The following TMEM132B variants were observed in gnomAD, a reference collection of about 807,000 sequenced individuals.
TMEM132B encodes the protein transmembrane protein 132B.
Under a neutral mutation model 90.8 loss-of-function variants are expected in TMEM132B, and 18 were observed. That is an observed-to-expected ratio of 0.20 (90% CI 0.14 to 0.29). TMEM132B has a LOEUF of 0.29. Ranked by LOEUF, TMEM132B falls within the 10% of genes least tolerant of loss-of-function variation. The pLI, the probability that TMEM132B is intolerant of heterozygous loss-of-function variation, is 1.00. For synonymous variants in TMEM132B, 504 were observed against 523.3 expected, an observed-to-expected ratio of 0.96 and a Z score of 0.50; for missense variants, 1,096 against 1,326.8, an observed-to-expected ratio of 0.83 and a Z score of 2.70.
chr12:125,217,966 GC>G (rs1251542279), intron 1 of TMEM132B, among the ~76,000 whole-genome samples: 1 of 152,206 alleles, frequency 6.6e-6, no homozygotes, highest in Non-Finnish European at 1.5e-5. Context: ...ACATATCCAT[GC>G]AGGGAAATAT....
rs1274698889 is a variant in TMEM132B at position 125,505,174 on chromosome 12, A to AC, written c.1107-14265_1107-14264insC. ...ACTCACACACCAGAGGACAAAAAAAAAAAAAAAAAAAAAAAAAAAAACAGT... is the reference window on the plus strand; with the variant it reads ...ACTCACACACCAGAGGACAAAAAAAACAAAAAAAAAAAAAAAAAAAAACAGT... On this transcript the variant is annotated intron_variant, in intron 3 of 8. Coordinates refer to ENST00000682704, the MANE Select transcript of TMEM132B (RefSeq NM_001366854.1). Among the ~76,000 whole-genome samples, 387 of 130,648 alleles carry AC rather than the reference A, an allele frequency of 3.0e-3. 2 individuals carry two copies. The highest frequency in any genetic ancestry group is 4.8e-3 in the Non-Finnish European group (312 of 64,936). 85.7% of individuals were successfully genotyped at this position (130,648 alleles called of 152,430 possible). A position where few individuals can be genotyped will look rare whatever the true frequency, so the allele number is the denominator to read the frequency against.
In TMEM132B at chr12:125,251,394, A is replaced by C. The variant is rs1417624936; in HGVS notation, c.67+64528A>C. Among the ~76,000 whole-genome samples, 2 of 152,210 alleles carry C rather than the reference A, an allele frequency of 1.3e-5. No individual in the cohort carries two copies. The highest frequency in any genetic ancestry group is 3.8e-4 in the East Asian group (2 of 5,202). ...GATTTTTCTTCAAGGATGGGGCTTAAGATGGAGTCATACTTAGGTTCAGCT... is the reference window on the plus strand; with the variant it reads ...GATTTTTCTTCAAGGATGGGGCTTACGATGGAGTCATACTTAGGTTCAGCT... On this transcript the variant is annotated intron_variant, in intron 1 of 8. Coordinates refer to ENST00000682704, the MANE Select transcript of TMEM132B (RefSeq NM_001366854.1). The surrounding 1 kb of genome is among the most constrained non-coding windows in gnomAD (Gnocchi z 4.4).
chr12:125,536,292 C>A (rs532380629), intron 4 of TMEM132B, among the ~76,000 whole-genome samples: 13 of 152,372 alleles, frequency 8.5e-5, no homozygotes, highest in South Asian at 8.3e-4. Flanking sequence ...AGGGACGATG[C>A]CATCCATCTG....
rs1288526579 is a variant in TMEM132B at position 125,655,020 on chromosome 12, AC to A, written c.*311del. 3.8e-6 allele frequency: 1 copy of A among 262,892 alleles called. No individual in the cohort carries two copies. The highest frequency in any genetic ancestry group is 2.2e-5 in the African/African-American group (1 of 45,134). The allele number at this position is 262,892 out of a possible 1,614,324, so 16.3% of individuals were successfully genotyped here. On this transcript the variant is annotated 3_prime_UTR_variant, in exon 9 of 9. Coordinates refer to ENST00000682704, the MANE Select transcript of TMEM132B (RefSeq NM_001366854.1). The stretch of plus-strand genomic sequence containing the variant: ...CACAGACATTGTTAGTCATCTCGTG[AC>A]AAATGGCCATGTGGAATTAGAAAAG...
chr12:125,654,353 C>A lies in TMEM132B; in HGVS notation c.2895C>A (p.Asp965Glu), dbSNP rs1887007218. Residue 965 changes from aspartate (D) to glutamate (E), a missense_variant, in exon 9 of 9, where the codon GAC (aspartate) becomes GAA (glutamate). By Grantham distance (45) the Asp-to-Glu change is conservative. Coordinates refer to ENST00000682704, the MANE Select transcript of TMEM132B (RefSeq NM_001366854.1). The surrounding 1 kb of genome is among the most constrained non-coding windows in gnomAD (Gnocchi z 5.8). Reference sequence around the variant, plus strand: ...TGGAACTTTTGGAGAACCCTGTTGACATTACACTCCCATCAGAGGAGTGCA... The same window carrying A: ...TGGAACTTTTGGAGAACCCTGTTGAAATTACACTCCCATCAGAGGAGTGCA... ...NEVELLENPV[D>E]ITLPSEECTT... 1 of 1,612,922 alleles carries A rather than the reference C, an allele frequency of 6.2e-7. No individual in the cohort carries two copies. Among genetic ancestry groups the A allele is most frequent in the Non-Finnish European group, 8.5e-7 (1 of 1,180,028 alleles).
At chr12:125,508,663 C>T (rs780405682) in intron 3 of TMEM132B, among the ~76,000 whole-genome samples, 27 of 152,094 alleles carry the variant, frequency 1.8e-4, no homozygotes, top group Non-Finnish European at 3.4e-4. Flanking sequence ...CTTAATGAGG[C>T]CCTTCCCAGT....
At chr12:125,517,177 T>C (rs1296362981) in intron 3 of TMEM132B, among the ~76,000 whole-genome samples, 1 of 152,018 alleles carries the variant, frequency 6.6e-6, no homozygotes, top group African/African-American at 2.4e-5. Context: ...CTTTTTTTTT[T>C]TTTGAGACAG....
intron 5 of TMEM132B, among the ~76,000 whole-genome samples, chr12:125,620,271 A>G (rs73418406): frequency 0.014 from 2,126 of 152,368 alleles, 55 homozygotes; most frequent in African/African-American, 0.048. Flanking sequence ...TGTACTTTAG[A>G]CAATAATGTC....
At chr12:125,329,543 A>G (rs1876700521) in intron 1 of TMEM132B, among the ~76,000 whole-genome samples, 1 of 152,150 alleles carries the variant, frequency 6.6e-6, no homozygotes, top group Non-Finnish European at 1.5e-5. Context: ...GGGTCCTATG[A>G]GGCACTGACT....
At chr12:125,652,328 A>G (rs979882763) in intron 7 of TMEM132B, 113 bp from the exon 8 acceptor site, 8 of 957,264 alleles carry the variant, frequency 8.4e-6, no homozygotes, top group Middle Eastern at 3.4e-4. Context: ...GATTCCCACA[A>G]ATGCATGCAT....
chr12:125,479,699 C>T (rs557996402), intron 3 of TMEM132B, among the ~76,000 whole-genome samples: 108 of 151,422 alleles, frequency 7.1e-4, no homozygotes, highest in Admixed American at 4.0e-4. Flanking sequence ...ATTAGATTAA[C>T]GAGATAGAAG....
At chr12:125,221,217 T>G (rs1227938865) in intron 1 of TMEM132B, among the ~76,000 whole-genome samples, 2 of 152,248 alleles carry the variant, frequency 1.3e-5, no homozygotes, top group South Asian at 2.1e-4. Flanking sequence ...CTCATCTGTC[T>G]AGTTCATAGA....
At chr12:125,229,817 C>T (rs10846847) in intron 1 of TMEM132B, among the ~76,000 whole-genome samples, 5,679 of 152,298 alleles carry the variant, frequency 0.037, 129 homozygotes, top group Non-Finnish European at 0.049. Context: ...CGGCCTTGCA[C>T]GCTCCCAGTC....
intron 4 of TMEM132B, among the ~76,000 whole-genome samples, chr12:125,563,599 A>AAACAAACAAACC (rs1555258801): frequency 8.8e-6 from 1 of 113,322 alleles, no homozygotes; most frequent in African/African-American, 3.2e-5. Context: ...ACAAACAAAC[A>AAACAAACAAACC]AAAAAAAACC....
At chr12:125,610,674 A>G (rs1327203604) in intron 5 of TMEM132B, among the ~76,000 whole-genome samples, 1 of 151,744 alleles carries the variant, frequency 6.6e-6, no homozygotes, top group Non-Finnish European at 1.5e-5. Context: ...TTATTTAACC[A>G]TTGTTGGTTT....
intron 5 of TMEM132B, among the ~76,000 whole-genome samples, chr12:125,612,145 A>C (rs1355930083): frequency 2.0e-5 from 3 of 152,140 alleles, no homozygotes; most frequent in Non-Finnish European, 4.4e-5. Flanking sequence ...CCACTTTATC[A>C]TTAAAAAAGG....
At chr12:125,269,779 C>T (rs376759745) in intron 1 of TMEM132B, among the ~76,000 whole-genome samples, 6 of 152,028 alleles carry the variant, frequency 3.9e-5, no homozygotes, top group Non-Finnish European at 7.4e-5. Context: ...CATATACAAG[C>T]GCAGAAATAA....
intron 5 of TMEM132B, among the ~76,000 whole-genome samples, chr12:125,605,740 C>A (rs1249107435): frequency 6.6e-6 from 1 of 152,170 alleles, no homozygotes; most frequent in Non-Finnish European, 1.5e-5. Flanking sequence ...GGGTTCTGAT[C>A]TCCACATTAC....
At position 125,654,620 on chromosome 12, in the gene TMEM132B, T is replaced by C; in HGVS notation, c.3162T>C (p.Asp1054=). 6.2e-7 allele frequency: 1 copy of C among 1,614,224 alleles called. No individual in the cohort carries two copies. The highest frequency in any genetic ancestry group is 2.2e-5 in the East Asian group (1 of 44,886). ...PYTNSILFDS[D]DNIKWVCQDM... ...CCAACTCCATCCTGTTTGACAGCGA[T>C]GATAACATCAAGTGGGTCTGCCAAG... is the stretch of plus-strand genomic sequence containing the variant. Residue 1054 remains aspartate, a synonymous_variant, in exon 9 of 9, where the codon GAT becomes GAC. Coordinates refer to ENST00000682704, the MANE Select transcript of TMEM132B (RefSeq NM_001366854.1). This position sits in a 1 kb window ranked among gnomAD's most constrained non-coding sequence, Gnocchi z 5.8.
Sources: gnomAD v4.1 joint callset for allele counts (sites outside exome capture counted in the v4.1 genomes callset) on GRCh38, gnomAD v4.1.1 for gene constraint, Gnocchi (gnomAD v3.1) non-coding constraint, MANE v1.5 for transcripts, NCBI Gene and HGNC (gene_info 2026-07-23, HGNC 2026-07-21) for gene names.